Variants in COL13A1 observed in about 807,000 individuals in gnomAD.
The protein encoded by COL13A1 is collagen alpha-1(XIII) chain.
In COL13A1, 89 loss-of-function variants were observed where a neutral mutation model predicts 130.9. The ratio of observed to expected loss-of-function variants is 0.68; its 90% CI spans 0.57 to 0.81. The LOEUF is 0.81. Among genes scored for constraint, COL13A1 ranks in the 30% least tolerant of loss-of-function variants. COL13A1 has a pLI of 0.00. For synonymous variants in COL13A1, 402 were observed against 341.6 expected, an observed-to-expected ratio of 1.18 and a Z score of -1.95; for missense variants, 879 against 934.6, an observed-to-expected ratio of 0.94 and a Z score of 0.78.
chr10:69,900,256 C>T (rs960336023), intron 14 of COL13A1, among the ~76,000 whole-genome samples: 4 of 152,222 alleles, frequency 2.6e-5, no homozygotes, highest in Non-Finnish European at 5.9e-5. Context: ...GGTGTATCAG[C>T]TGTTCTTTTT....
intron 5 of COL13A1, 131 bp downstream of exon 5, chr10:69,875,294 G>A: frequency 9.2e-7 from 1 of 1,085,242 alleles, no homozygotes; most frequent in Non-Finnish European, 1.4e-6. Context: ...CCTTCCCCAA[G>A]CCCCAGTGTG....
chr10:69,894,597 T>G lies in COL13A1; in HGVS notation c.630+19T>G. 6.2e-7 allele frequency: 1 copy of G among 1,614,042 alleles called. No individual in the cohort carries two copies. Among genetic ancestry groups the G allele is most frequent in the Non-Finnish European group, 8.5e-7 (1 of 1,179,906 alleles). ...ACAGCCGGTTGGTACCTCATCCATC[T>G]ATTTCCCAGCAGAGAAGCTTCCGGT... On this transcript the variant is annotated intron_variant, in intron 11 of 40. Coordinates refer to ENST00000645393, the MANE Select transcript of COL13A1 (RefSeq NM_001368882.1).
intron 35 of COL13A1, among the ~76,000 whole-genome samples, chr10:69,942,224 A>T (rs914277457): frequency 1.3e-5 from 2 of 152,166 alleles, no homozygotes; most frequent in African/African-American, 4.8e-5. Flanking sequence ...ATAGGAGATG[A>T]CATGGCTTGC....
chr10:69,870,397 C>A (rs1273004051), intron 3 of COL13A1, among the ~76,000 whole-genome samples: 2 of 151,616 alleles, frequency 1.3e-5, no homozygotes, highest in East Asian at 1.9e-4. Context: ...ACTGAAGCCT[C>A]AATCTCATGG....
At chr10:69,954,378 C>T (rs149119113) in intron 39 of COL13A1, among the ~76,000 whole-genome samples, 2 of 152,344 alleles carry the variant, frequency 1.3e-5, no homozygotes, top group African/African-American at 4.8e-5. Flanking sequence ...AAAGCTGCCA[C>T]CAGATACCAG....
chr10:69,937,480 G>A (rs922840929), intron 33 of COL13A1, among the ~76,000 whole-genome samples, 155 bp from the exon 34 acceptor site: 6 of 152,140 alleles, frequency 3.9e-5, no homozygotes, highest in Non-Finnish European at 7.3e-5. Flanking sequence ...GCGAGAGTAG[G>A]CTAAGAATTC....
At chr10:69,854,685 G>T (rs1298187883) in intron 2 of COL13A1, among the ~76,000 whole-genome samples, 1 of 152,060 alleles carries the variant, frequency 6.6e-6, no homozygotes, top group Non-Finnish European at 1.5e-5. Flanking sequence ...AGGATGCCAA[G>T]TACGTTTCCT....
In COL13A1 at chr10:69,922,786, G is replaced by C; in HGVS notation, c.1222G>C (p.Gly408Arg). 1 of 1,585,612 alleles carries C rather than the reference G, an allele frequency of 6.3e-7. No homozygotes were observed. Among genetic ancestry groups the C allele is most frequent in the Non-Finnish European group, 8.6e-7 (1 of 1,165,932 alleles). The change falls in exon 23 of 41, where the codon GGG (glycine) becomes CGG (arginine). Residue 408 changes from glycine to arginine, a missense_variant. By Grantham distance (125) the Gly-to-Arg change is moderately radical. Coordinates refer to ENST00000645393, the MANE Select transcript of COL13A1 (RefSeq NM_001368882.1). Reference sequence around the variant, plus strand: ...CCCTCCAGGGCTCCCTGGGCCCCCAGGGCCAAAGGTGAGTGTTCCCTGGAA... The same window carrying C: ...CCCTCCAGGGCTCCCTGGGCCCCCACGGCCAAAGGTGAGTGTTCCCTGGAA... ...PGPPGLPGPP[G>R]PKGEAGVDGQ...
chr10:69,937,326 A>G (rs1565123339), intron 33 of COL13A1, among the ~76,000 whole-genome samples: 1 of 152,116 alleles, frequency 6.6e-6, no homozygotes, highest in Non-Finnish European at 1.5e-5. Context: ...CATCTGAGCA[A>G]ATCTCTGTAA....
intron 5 of COL13A1, among the ~76,000 whole-genome samples, chr10:69,877,069 A>G (rs1237171833): frequency 6.6e-6 from 1 of 152,130 alleles, no homozygotes; most frequent in Admixed American, 6.5e-5. Context: ...TAGCAGGTCT[A>G]TTTTCAAGCT....
intron 2 of COL13A1, among the ~76,000 whole-genome samples, chr10:69,863,389 C>T (rs913826525): frequency 1.4e-4 from 21 of 152,156 alleles, no homozygotes; most frequent in Admixed American, 1.4e-3. Flanking sequence ...AGCACCTGTC[C>T]TGGCAGAGAT....
intron 2 of COL13A1, among the ~76,000 whole-genome samples, chr10:69,860,248 C>T (rs1349347470): frequency 6.6e-6 from 1 of 150,656 alleles, no homozygotes; most frequent in Non-Finnish European, 1.5e-5. Context: ...TTGGATGGGG[C>T]GGTCTCCTGA....
At chr10:69,823,274 C>G (rs115074245) in intron 2 of COL13A1, among the ~76,000 whole-genome samples, 189 of 152,326 alleles carry the variant, frequency 1.2e-3, no homozygotes, top group African/African-American at 4.2e-3. Context: ...TGTTACTTTT[C>G]TAGGTGCCTG....
chr10:69,956,982 C>G (rs2070843969), intron 39 of COL13A1, 22 bp from the exon 40 acceptor site: 1 of 1,612,376 alleles, frequency 6.2e-7, no homozygotes, highest in Non-Finnish European at 8.5e-7. Flanking sequence ...TCTGAGCCCT[C>G]TGCCTTCCTT....
intron 7 of COL13A1, among the ~76,000 whole-genome samples, chr10:69,884,486 G>A (rs1258328662): frequency 6.6e-6 from 1 of 152,174 alleles, no homozygotes; most frequent in Non-Finnish European, 1.5e-5. Context: ...AGACTTCTTG[G>A]TAGGCTTTTT....
chr10:69,949,472 G>A (rs1049375313), intron 38 of COL13A1, among the ~76,000 whole-genome samples: 3 of 152,272 alleles, frequency 2.0e-5, no homozygotes, highest in South Asian at 2.1e-4. Flanking sequence ...ATGAGCCACC[G>A]CACCTGGCCC....
chr10:69,876,519 C>T (rs374145212), intron 5 of COL13A1, among the ~76,000 whole-genome samples: 2 of 152,314 alleles, frequency 1.3e-5, no homozygotes, highest in Admixed American at 6.5e-5. Flanking sequence ...AGCCCTGGGC[C>T]GCCCCACGAG....
chr10:69,907,004 C>T (rs1379137125), intron 17 of COL13A1, among the ~76,000 whole-genome samples: 1 of 152,194 alleles, frequency 6.6e-6, no homozygotes, highest in Non-Finnish European at 1.5e-5. Flanking sequence ...GCTGGGATTA[C>T]AGGCGTGAGC....
intron 17 of COL13A1, among the ~76,000 whole-genome samples, chr10:69,912,047 C>T (rs1475351211): frequency 1.3e-5 from 2 of 152,212 alleles, no homozygotes; most frequent in Non-Finnish European, 2.9e-5. Context: ...CTGTGAAATC[C>T]TAGTGGGGAC....
Sources: gnomAD v4.1 joint callset for allele counts (sites outside exome capture counted in the v4.1 genomes callset) on GRCh38, gnomAD v4.1.1 for gene constraint, MANE v1.5 for transcripts, NCBI Gene and HGNC (gene_info 2026-07-23, HGNC 2026-07-21) for gene names.